Variants in BAAT observed in about 807,000 individuals in gnomAD.
BAAT encodes bile acid-CoA:amino acid N-acyltransferase.
A neutral mutation model predicts 18.9 loss-of-function variants in BAAT; 13 were observed. That is an observed-to-expected ratio of 0.69 (90% confidence interval 0.45 to 1.10). The LOEUF is 1.10. Among genes scored for constraint, BAAT ranks in the 50% least tolerant of loss-of-function variants. The pLI, the probability that BAAT is intolerant of heterozygous loss-of-function variation, is 0.00. For missense variants in BAAT, 489 were observed against 504.0 expected (o/e 0.97, Z 0.28); for synonymous variants, 170 against 190.7 (o/e 0.89, Z 0.89).
intron 1 of BAAT, among the ~76,000 whole-genome samples, chr9:101,379,611 G>GA (rs1271786015): frequency 2.0e-5 from 3 of 152,102 alleles, no homozygotes; most frequent in Admixed American, 2.0e-4. Flanking sequence ...GAGAAACTTA[G>GA]AAAAAAATTG....
At chr9:101,368,099 T>C (rs756258259) in intron 3 of BAAT, 21 bp downstream of exon 3, 26 of 1,605,770 alleles carry the variant, frequency 1.6e-5, no homozygotes, top group Non-Finnish European at 2.2e-5. Flanking sequence ...GACTCAAACC[T>C]ACTGAAAAGA....
At position 101,371,246 on chromosome 9, in the gene BAAT, A is replaced by G; in HGVS notation, c.159T>C (p.Asn53=). 3 of 1,613,194 alleles carry G rather than the reference A, an allele frequency of 1.9e-6. No individual in the cohort carries two copies. Among genetic ancestry groups the G allele is most frequent in the Non-Finnish European group, 2.5e-6 (3 of 1,179,268 alleles). The change falls in exon 2 of 4, where the codon AAT becomes AAC. Residue 53 remains asparagine, a synonymous_variant. Transcript: ENST00000259407. ...GATTCAGGTCCACCTCACCGAATTC[A>G]TTGGCCCTATAGTGGGCTTGAGAAT... ...MFYSQAHYRA[N]EFGEVDLNHA...
chr9:101,363,753 AG>A (rs1829776511), intron 3 of BAAT, among the ~76,000 whole-genome samples: 1 of 152,248 alleles, frequency 6.6e-6, no homozygotes, highest in Non-Finnish European at 1.5e-5. Flanking sequence ...GCAGGATCAA[AG>A]AAAGGCTCTC....
intron 3 of BAAT, among the ~76,000 whole-genome samples, chr9:101,363,445 T>A (rs1829771648): frequency 6.8e-6 from 1 of 147,724 alleles, no homozygotes; most frequent in African/African-American, 2.5e-5. Flanking sequence ...ATTCTAGATT[T>A]GCTTTGTTTT....
At chr9:101,383,213 C>T (rs939197718) in intron 1 of BAAT, among the ~76,000 whole-genome samples, 3 of 152,138 alleles carry the variant, frequency 2.0e-5, no homozygotes, top group Non-Finnish European at 4.4e-5. Flanking sequence ...ATATAAATTT[C>T]AGCTCAATAT....
rs2119025828 is a variant in BAAT at position 101,371,033 on chromosome 9, G to A, written c.372C>T (p.Ala124=). The change falls in exon 2 of 4, where the codon GCC becomes GCT. Residue 124 remains alanine (A), a synonymous_variant. Coordinates refer to ENST00000259407, the MANE Select transcript of BAAT (RefSeq NM_001701.4). ...VNNKVASAPK[A]SLTLERWYVA... is the part of the protein sequence containing the mutation. Reference sequence around the variant, plus strand: ...CATACCACCTCTCCAAAGTCAGGCTGGCCTTTGGAGCACTGGCAACTTTAT... The same window carrying A: ...CATACCACCTCTCCAAAGTCAGGCTAGCCTTTGGAGCACTGGCAACTTTAT... The A allele has an allele frequency of 1.2e-6, 2 of 1,614,064 alleles. No homozygotes were observed. The highest frequency in any genetic ancestry group is 1.7e-6 in the Non-Finnish European group (2 of 1,180,010).
chr9:101,367,235 G>T (rs148704174), intron 3 of BAAT, among the ~76,000 whole-genome samples: 2 of 151,944 alleles, frequency 1.3e-5, no homozygotes, highest in South Asian at 2.1e-4. Context: ...ATTTTAAAAG[G>T]CATATGGATT....
intron 1 of BAAT, among the ~76,000 whole-genome samples, chr9:101,378,437 C>T (rs1183548048): frequency 3.9e-5 from 6 of 152,116 alleles, no homozygotes. Flanking sequence ...CATCTACAAC[C>T]ATCTGATCTT....
At chr9:101,384,618 T>G (rs1830175923) in intron 1 of BAAT, among the ~76,000 whole-genome samples, 1 of 152,130 alleles carries the variant, frequency 6.6e-6, no homozygotes. Context: ...TAAAAATAAA[T>G]GAATTACAAC....
intron 2 of BAAT, among the ~76,000 whole-genome samples, chr9:101,370,295 T>C (rs1829909181): frequency 6.6e-6 from 1 of 151,654 alleles, no homozygotes; most frequent in Non-Finnish European, 1.5e-5. Context: ...CCAGGTTCTA[T>C]GATAAGCATT....
At chr9:101,364,883 T>C (rs1829800923) in intron 3 of BAAT, among the ~76,000 whole-genome samples, 1 of 152,326 alleles carries the variant, frequency 6.6e-6, no homozygotes, top group Middle Eastern at 3.4e-3. Flanking sequence ...CTTTATCCTA[T>C]AATAAATAGG....
intron 1 of BAAT, among the ~76,000 whole-genome samples, chr9:101,374,699 A>G (rs2119031792): frequency 6.6e-6 from 1 of 152,312 alleles, no homozygotes; most frequent in Admixed American, 6.5e-5. Context: ...ATCAGTTTCT[A>G]TATTTCTATC....
intron 1 of BAAT, among the ~76,000 whole-genome samples, chr9:101,377,764 G>A (rs1377994195): frequency 6.6e-6 from 1 of 152,060 alleles, no homozygotes; most frequent in Non-Finnish European, 1.5e-5. Flanking sequence ...GGGCAATAAG[G>A]CAAGAGAAAG....
rs774268138 is a variant in BAAT at position 101,362,524 on chromosome 9, C to T, written c.1161G>A (p.Glu387=). The T allele has an allele frequency of 4.3e-6, 7 of 1,613,964 alleles. No individual in the cohort carries two copies. The highest frequency in any genetic ancestry group is 5.9e-6 in the Non-Finnish European group (7 of 1,180,030). ...CCTGTGCAGCTGCGTGTGGGATCACCTCTCCTCCCCAGTGTAACCTCAAAT... is the reference window on the plus strand; with the variant it reads ...CCTGTGCAGCTGCGTGTGGGATCACTTCTCCTCCCCAGTGTAACCTCAAAT... The part of the protein sequence containing the change: ...THDLRLHWGG[E]VIPHAAAQEH... Residue 387 remains glutamate, a synonymous_variant, in exon 4 of 4, where the codon GAG becomes GAA. Transcript: ENST00000259407.
chr9:101,374,543 T>A (rs1830007546), intron 1 of BAAT, among the ~76,000 whole-genome samples: 1 of 152,150 alleles, frequency 6.6e-6, no homozygotes, highest in Admixed American at 6.5e-5. Context: ...ACAAGGCAAC[T>A]GTATTTACTG....
intron 1 of BAAT, among the ~76,000 whole-genome samples, chr9:101,374,492 A>T (rs13294625): frequency 1.3e-5 from 2 of 152,096 alleles, no homozygotes; most frequent in Non-Finnish European, 2.9e-5. Context: ...TTGAAACTCC[A>T]AACTAGAATT....
At chr9:101,369,477 C>T (rs775487821) in intron 2 of BAAT, among the ~76,000 whole-genome samples, 2 of 152,178 alleles carry the variant, frequency 1.3e-5, no homozygotes, top group African/African-American at 2.4e-5. Flanking sequence ...TAACCTCACA[C>T]AACTCAGCTC....
rs2119013969 is a variant in BAAT, at chr9:101,362,825, G to A, written c.860C>T (p.Thr287Ile). Residue 287 changes from threonine (T) to isoleucine (I), a missense_variant, in exon 4 of 4, where the codon ACC becomes ATC. Transcript: ENST00000259407. The part of the protein sequence containing the change: ...PLPHSAQLIS[T>I]NALGLLELYR... The stretch of plus-strand genomic sequence containing the variant: ...GAGCTCTAGTAACCCCAAGGCATTG[G>A]TGGATATTAATTGTGCAGAATGGGG... 1.9e-6 allele frequency: 3 copies of A among 1,614,172 alleles called. No homozygotes were observed. Among genetic ancestry groups the A allele is most frequent in the Non-Finnish European group, 2.5e-6 (3 of 1,180,014 alleles).
At chr9:101,368,424 G>A in intron 2 of BAAT, 102 bp from the exon 3 acceptor site, 1 of 1,029,642 alleles carries the variant, frequency 9.7e-7, no homozygotes, top group Non-Finnish European at 1.4e-6. Flanking sequence ...GATAATAAAA[G>A]ATAAAATAAA....
Sources: gnomAD v4.1 joint callset for allele counts (sites outside exome capture counted in the v4.1 genomes callset) on GRCh38, gnomAD v4.1.1 for gene constraint, MANE v1.5 for transcripts, NCBI Gene and HGNC (gene_info 2026-07-23, HGNC 2026-07-21) for gene names.